Variants in UNC5D observed in about 807,000 individuals in gnomAD.
The protein encoded by UNC5D is netrin receptor UNC5D.
In UNC5D, 39 loss-of-function variants were observed where a neutral mutation model predicts 105.4. The observed-to-expected ratio is 0.37, with a 90% CI of 0.29 to 0.48. The LOEUF is 0.48. Among genes scored for constraint, UNC5D ranks in the 20% least tolerant of loss-of-function variants. The pLI is 0.98. For missense variants in UNC5D, 991 were observed against 1,202.4 expected (o/e 0.82, Z 2.60); for synonymous variants, 452 against 450.4 (o/e 1.00, Z -0.04).
chr8:35,391,385 C>T (rs182689508), intron 1 of UNC5D, among the ~76,000 whole-genome samples: 11 of 152,220 alleles, frequency 7.2e-5, no homozygotes, highest in Admixed American at 4.6e-4. Context: ...AACATACATG[C>T]AAGATTTAAG....
chr8:35,646,511 G>A (rs1823059765), intron 4 of UNC5D, among the ~76,000 whole-genome samples: 1 of 152,036 alleles, frequency 6.6e-6, no homozygotes, highest in African/African-American at 2.4e-5. Flanking sequence ...CAGGATTATG[G>A]AAACATGGGC....
rs144833972 is a variant in UNC5D, at chr8:35,561,890, A to T, written c.323-6208A>T. On this transcript the variant is annotated intron_variant, in intron 2 of 16. Transcript: ENST00000404895. ...CTTATGTTTATGCTGGGAATATTCA[A>T]ATTCCTCTTTTCTAGCTATTTTGAA... Among the ~76,000 whole-genome samples the T allele has an allele frequency of 2.4e-3, 362 of 152,340 alleles. 2 individuals carry two copies. Among genetic ancestry groups the T allele is most frequent in the African/African-American group, 8.2e-3 (339 of 41,576 alleles).
At chr8:35,529,290 A>G (rs1310963401) in intron 1 of UNC5D, among the ~76,000 whole-genome samples, 16 of 85,230 alleles carry the variant, frequency 1.9e-4, no homozygotes, top group Non-Finnish European at 5.9e-5. Flanking sequence ...TCCCAGCACC[A>G]TTTATTAAAT....
intron 1 of UNC5D, among the ~76,000 whole-genome samples, chr8:35,413,482 G>T (rs1309569378): frequency 1.3e-5 from 2 of 149,482 alleles, no homozygotes; most frequent in African/African-American, 4.9e-5. Context: ...TTTTAACTGC[G>T]GCATTCTGCA....
intron 1 of UNC5D, among the ~76,000 whole-genome samples, chr8:35,299,825 G>A (rs528617440): frequency 5.9e-5 from 9 of 152,280 alleles, no homozygotes; most frequent in African/African-American, 2.2e-4. Context: ...ACACAGTGGA[G>A]TACAATGCAA....
intron 1 of UNC5D, among the ~76,000 whole-genome samples, chr8:35,368,001 T>C (rs1428635917): frequency 2.6e-5 from 4 of 152,192 alleles, no homozygotes; most frequent in Non-Finnish European, 5.9e-5. Flanking sequence ...TGCCCATGCC[T>C]ACCTTTGTTT....
intron 3 of UNC5D, among the ~76,000 whole-genome samples, chr8:35,586,973 A>T (rs1377211584): frequency 6.6e-6 from 1 of 152,212 alleles, no homozygotes; most frequent in Non-Finnish European, 1.5e-5. Flanking sequence ...ATGACAAAAA[A>T]GGCCAAATAG....
rs917198097 is a variant in UNC5D, at chr8:35,523,830, G to C, written c.104-25462G>C. On this transcript the variant is annotated intron_variant, in intron 1 of 16. Transcript: ENST00000404895. ...ACATCCCACTCAGTGCCTGATATTC[G>C]GATGGTGGCATACTCTGCCCCAGGA... Among the ~76,000 whole-genome samples, 20 of 70,148 alleles carry C rather than the reference G, an allele frequency of 2.9e-4. No individual in the cohort carries two copies. The East Asian group carries it at 7.7e-3, about 27-fold the overall frequency. The allele number at this position is 70,148 out of a possible 152,430, so 46.0% of individuals were successfully genotyped here. A position where few individuals can be genotyped will look rare whatever the true frequency, so the allele number is the denominator to read the frequency against.
At chr8:35,654,686 G>T (rs1823627226) in intron 4 of UNC5D, among the ~76,000 whole-genome samples, 1 of 151,948 alleles carries the variant, frequency 6.6e-6, no homozygotes, top group Admixed American at 6.6e-5. Context: ...GTACTAGTAA[G>T]ATTTCTTTGC....
intron 1 of UNC5D, among the ~76,000 whole-genome samples, chr8:35,247,410 C>T (rs1803183677): frequency 6.9e-6 from 1 of 145,916 alleles, no homozygotes. Flanking sequence ...AGTTAGGGTG[C>T]CTTAAGTCTT....
chr8:35,271,628 CAT>C (rs1423764580), intron 1 of UNC5D, among the ~76,000 whole-genome samples: 16 of 136,368 alleles, frequency 1.2e-4, no homozygotes, highest in Admixed American at 3.7e-4. Flanking sequence ...TTACATGTAA[CAT>C]ATATTATGTA....
Position 35,683,635 on chromosome 8 carries a change from A to T in UNC5D, c.659A>T (p.Gln220Leu), listed in dbSNP as rs2131339459. Residue 220 changes from glutamine (Q) to leucine (L), a missense_variant, in exon 5 of 17, where the codon CAG becomes CTG. Gln to Leu is a moderately radical substitution (Grantham distance 113). Coordinates refer to ENST00000404895, the MANE Select transcript of UNC5D (RefSeq NM_080872.4). ...TRADHNLIIR[Q>L]ARLSDSGNYT... ...GCTGACCATAACCTGATCATCAGGC[A>T]GGCACGGCTCTCGGACTCAGGAAAT... is the stretch of plus-strand genomic sequence containing the variant. 6.3e-7 allele frequency: 1 copy of T among 1,582,896 alleles called. No individual in the cohort carries two copies. The highest frequency in any genetic ancestry group is 2.3e-5 in the East Asian group (1 of 42,950).
chr8:35,384,059 C>T (rs1278645304), intron 1 of UNC5D, among the ~76,000 whole-genome samples: 1 of 151,702 alleles, frequency 6.6e-6, no homozygotes, highest in Non-Finnish European at 1.5e-5. Context: ...ACTAAAAATA[C>T]AAAAAAATTA....
At chr8:35,380,898 T>C (rs1220010725) in intron 1 of UNC5D, among the ~76,000 whole-genome samples, 1 of 152,156 alleles carries the variant, frequency 6.6e-6, no homozygotes, top group Non-Finnish European at 1.5e-5. Context: ...ACGTCACACC[T>C]GCCAGGATCA....
chr8:35,505,143 AAT>A, intron 1 of UNC5D, among the ~76,000 whole-genome samples: 1 of 152,216 alleles, frequency 6.6e-6, no homozygotes. Flanking sequence ...GTAATCAAGA[AAT>A]ATATACACCT....
chr8:35,691,459 C>A (rs1014651475), intron 7 of UNC5D, among the ~76,000 whole-genome samples: 1 of 152,156 alleles, frequency 6.6e-6, no homozygotes, highest in African/African-American at 2.4e-5. Context: ...TGCACTCCAT[C>A]CTGGCTGACA....
chr8:35,565,070 C>T (rs1044139139), intron 2 of UNC5D, among the ~76,000 whole-genome samples: 3 of 152,082 alleles, frequency 2.0e-5, no homozygotes, highest in Admixed American at 6.6e-5. Context: ...CAGGTATCTT[C>T]TTGATATAAT....
intron 4 of UNC5D, among the ~76,000 whole-genome samples, chr8:35,642,608 G>A (rs143122050): frequency 0.013 from 1,933 of 152,130 alleles, 37 homozygotes; most frequent in African/African-American, 0.044. Flanking sequence ...TGCGAAATCC[G>A]AATCAGGGCA....
Position 35,504,965 on chromosome 8 carries a change from G to A in UNC5D, c.104-44327G>A, listed in dbSNP as rs144177110. Among the ~76,000 whole-genome samples, 164 of 152,274 alleles carry A rather than the reference G, an allele frequency of 1.1e-3. 2 individuals carry two copies. In the East Asian group the frequency reaches 0.028, roughly 26 times the overall value. ...CCCCAAAACAGCCACTGTTCAAGAC[G>A]AGGTAAAGTATTCATGGAAACTTCA... On this transcript the variant is annotated intron_variant, in intron 1 of 16. Coordinates refer to ENST00000404895, the MANE Select transcript of UNC5D (RefSeq NM_080872.4).
Sources: gnomAD v4.1 joint callset for allele counts (sites outside exome capture counted in the v4.1 genomes callset) on GRCh38, gnomAD v4.1.1 for gene constraint, MANE v1.5 for transcripts, NCBI Gene and HGNC (gene_info 2026-07-23, HGNC 2026-07-21) for gene names.